KCNIP1: variants seen among roughly 807,000 people sequenced by gnomAD.
The protein encoded by KCNIP1 is potassium voltage-gated channel interacting protein 1, also known as A-type potassium channel modulatory protein KCNIP1.
In KCNIP1, 18 loss-of-function variants were observed where a neutral mutation model predicts 33.0. The ratio of observed to expected loss-of-function variants is 0.55; its 90% CI spans 0.38 to 0.81. KCNIP1 has a LOEUF of 0.81. Among genes scored for constraint, KCNIP1 ranks in the 30% least tolerant of loss-of-function variants. The pLI, the probability that KCNIP1 is intolerant of heterozygous loss-of-function variation, is 0.00. For synonymous variants in KCNIP1, 93 were observed against 98.3 expected, an observed-to-expected ratio of 0.95 and a Z score of 0.32; for missense variants, 238 against 271.6, an observed-to-expected ratio of 0.88 and a Z score of 0.87.
chr5:170,438,064 A>C (rs1188559784), intron 1 of KCNIP1, among the ~76,000 whole-genome samples: 2 of 151,902 alleles, frequency 1.3e-5, no homozygotes, highest in African/African-American at 4.8e-5. Context: ...GCAGAGACTC[A>C]AGGCTTGGAG....
intron 1 of KCNIP1, among the ~76,000 whole-genome samples, chr5:170,512,104 A>G (rs534104062): frequency 6.6e-6 from 1 of 152,358 alleles, no homozygotes; most frequent in South Asian, 2.1e-4. Context: ...AAGGCCAATT[A>G]GCAAATTCAT....
chr5:170,629,421 C>T (rs1395466459), intron 1 of KCNIP1, among the ~76,000 whole-genome samples: 2 of 152,222 alleles, frequency 1.3e-5, no homozygotes, highest in Admixed American at 1.3e-4. Flanking sequence ...AGAGGGGTCC[C>T]GGACAGCCAA....
chr5:170,492,055 C>A (rs1469265275), intron 1 of KCNIP1, among the ~76,000 whole-genome samples: 1 of 152,210 alleles, frequency 6.6e-6, no homozygotes, highest in Non-Finnish European at 1.5e-5. Flanking sequence ...GGGTACCCAA[C>A]AATTCAATCC....
intron 1 of KCNIP1, among the ~76,000 whole-genome samples, chr5:170,694,545 G>T (rs993549932): frequency 2.6e-5 from 4 of 152,128 alleles, no homozygotes; most frequent in African/African-American, 7.2e-5. Flanking sequence ...AAGCAGTGTG[G>T]CATGATTACA....
intron 1 of KCNIP1, among the ~76,000 whole-genome samples, chr5:170,359,148 C>T (rs936255683): frequency 1.1e-4 from 17 of 152,180 alleles, no homozygotes; most frequent in Admixed American, 7.9e-4. Flanking sequence ...CCTATCACCT[C>T]TCAGGCAGGT....
intron 1 of KCNIP1, among the ~76,000 whole-genome samples, chr5:170,493,144 T>G (rs1017214915): frequency 6.6e-6 from 1 of 152,196 alleles, no homozygotes; most frequent in African/African-American, 2.4e-5. Context: ...ACTTGGTTTC[T>G]GTGGTAGAAA....
intron 1 of KCNIP1, among the ~76,000 whole-genome samples, chr5:170,620,896 A>C (rs114125852): frequency 6.6e-6 from 1 of 152,136 alleles, no homozygotes; most frequent in African/African-American, 2.4e-5. Context: ...GGATGCAGGT[A>C]TCCTCTTGAC....
At chr5:170,490,835 G>A (rs746178740) in intron 1 of KCNIP1, among the ~76,000 whole-genome samples, 9 of 152,134 alleles carry the variant, frequency 5.9e-5, no homozygotes, top group Non-Finnish European at 1.2e-4. Flanking sequence ...TGCACCTTGA[G>A]CACACCCAGC....
chr5:170,370,483 C>T (rs1299663793), intron 1 of KCNIP1, among the ~76,000 whole-genome samples: 1 of 152,146 alleles, frequency 6.6e-6, no homozygotes, highest in Non-Finnish European at 1.5e-5. Context: ...AAGACAAATA[C>T]AAAAACATCA....
At chr5:170,632,707 G>C (rs1056775412) in intron 1 of KCNIP1, among the ~76,000 whole-genome samples, 5 of 152,260 alleles carry the variant, frequency 3.3e-5, no homozygotes, top group Non-Finnish European at 7.3e-5. Flanking sequence ...CCTTCTCTGG[G>C]GGGACATTTA....
chr5:170,420,577 A>G (rs958217161), intron 1 of KCNIP1: 2 of 152,010 alleles, frequency 1.3e-5, no homozygotes, highest in African/African-American at 4.8e-5. Context: ...AATGCATGTA[A>G]CATATAAAAT....
intron 1 of KCNIP1, among the ~76,000 whole-genome samples, chr5:170,386,432 G>T (rs1038973581): frequency 5.3e-5 from 8 of 152,176 alleles, no homozygotes; most frequent in Non-Finnish European, 1.0e-4. Context: ...AATTTCTGTC[G>T]TTTGAGGCCG....
At chr5:170,446,200 T>C (rs1369263009) in intron 1 of KCNIP1, among the ~76,000 whole-genome samples, 1 of 152,178 alleles carries the variant, frequency 6.6e-6, no homozygotes, top group African/African-American at 2.4e-5. Flanking sequence ...TGTTCTCCCC[T>C]TTTATTTTGT....
At chr5:170,611,547 C>T (rs1187987150) in intron 1 of KCNIP1, among the ~76,000 whole-genome samples, 2 of 152,170 alleles carry the variant, frequency 1.3e-5, no homozygotes, top group African/African-American at 4.8e-5. Flanking sequence ...CACATACATC[C>T]ACTCAGGGTC....
chr5:170,628,070 C>T (rs967316740), intron 1 of KCNIP1, among the ~76,000 whole-genome samples: 3 of 152,170 alleles, frequency 2.0e-5, no homozygotes, highest in Non-Finnish European at 2.9e-5. Flanking sequence ...GGGGAATTCC[C>T]GCCTCTGGGA....
intron 1 of KCNIP1, among the ~76,000 whole-genome samples, chr5:170,473,894 G>A (rs1460504359): frequency 2.6e-5 from 4 of 152,192 alleles, no homozygotes; most frequent in Non-Finnish European, 5.9e-5. Context: ...TGAGCAACGA[G>A]ACAGGGTAGT....
intron 1 of KCNIP1, among the ~76,000 whole-genome samples, chr5:170,551,500 C>A (rs1581313274): frequency 6.6e-6 from 1 of 152,252 alleles, no homozygotes; most frequent in Non-Finnish European, 1.5e-5. Context: ...GTGTTGCCCA[C>A]ACCTTTCTTG....
intron 1 of KCNIP1, among the ~76,000 whole-genome samples, chr5:170,441,951 CAA>C (rs34610945): frequency 0.2 from 14,114 of 69,902 alleles, 367 homozygotes; most frequent in East Asian, 0.25. Context: ...GACTCCATCT[CAA>C]AAAAAAAAAA....
chr5:170,708,046 G>A (rs13189181), intron 1 of KCNIP1, among the ~76,000 whole-genome samples: 4,579 of 152,230 alleles, frequency 0.03, 87 homozygotes, highest in Middle Eastern at 0.071. Context: ...AAAACTCAGA[G>A]CTGATGAGTT....
Sources: gnomAD v4.1 joint callset for allele counts (sites outside exome capture counted in the v4.1 genomes callset) on GRCh38, gnomAD v4.1.1 for gene constraint, MANE v1.5 for transcripts, NCBI Gene and HGNC (gene_info 2026-07-23, HGNC 2026-07-21) for gene names.